ZFAND3: variants seen among roughly 807,000 people sequenced by gnomAD.
The protein encoded by ZFAND3 is AN1-type zinc finger protein 3.
ZFAND3 carries 10 observed loss-of-function variants against 29.6 expected under a neutral mutation model. The ratio of observed to expected loss-of-function variants is 0.34; its 90% CI spans 0.21 to 0.57. The LOEUF is 0.57. Among genes scored for constraint, ZFAND3 ranks in the 20% least tolerant of loss-of-function variants. The pLI, the probability that ZFAND3 is intolerant of heterozygous loss-of-function variation, is 0.86. For synonymous variants in ZFAND3, 128 were observed against 112.6 expected (o/e 1.14, Z -0.87); for missense variants, 230 against 304.5 (o/e 0.76, Z 1.82).
chr6:38,029,422 G>A (rs888590098), intron 2 of ZFAND3, among the ~76,000 whole-genome samples: 2 of 152,112 alleles, frequency 1.3e-5, no homozygotes, highest in Admixed American at 6.6e-5. Context: ...AGCAAGCAAA[G>A]CATTTTTTAA....
chr6:37,893,012 A>G (rs1014127886), intron 1 of ZFAND3, among the ~76,000 whole-genome samples: 1 of 152,110 alleles, frequency 6.6e-6, no homozygotes, highest in Non-Finnish European at 1.5e-5. Context: ...GAGGGATTCT[A>G]CCAAACATTT....
chr6:37,919,677 G>A (rs138369198), intron 1 of ZFAND3, among the ~76,000 whole-genome samples: 211 of 152,274 alleles, frequency 1.4e-3, no homozygotes, highest in African/African-American at 4.8e-3. Flanking sequence ...CACATTTCAA[G>A]GCTGTTACTG....
intron 1 of ZFAND3, among the ~76,000 whole-genome samples, chr6:37,848,938 A>C (rs1764232385): frequency 1.3e-5 from 2 of 152,228 alleles, no homozygotes; most frequent in African/African-American, 4.8e-5. Flanking sequence ...GAACTTTTTA[A>C]ACTTTGATCT....
chr6:37,915,916 T>G (rs919216623), intron 1 of ZFAND3, among the ~76,000 whole-genome samples: 5 of 152,126 alleles, frequency 3.3e-5, no homozygotes, highest in African/African-American at 9.7e-5. Flanking sequence ...ATTTCAGGCA[T>G]GTGCCACCAC....
intron 2 of ZFAND3, 24 bp downstream of exon 2, chr6:37,930,023 T>A (rs1258312945): frequency 1.3e-5 from 21 of 1,559,976 alleles, no homozygotes; most frequent in South Asian, 7.4e-5. Flanking sequence ...AAGGGTTTTT[T>A]AATTTACTTT....
chr6:37,896,554 C>CTTTCTTTG (rs1554153845), intron 1 of ZFAND3, among the ~76,000 whole-genome samples: 1 of 137,698 alleles, frequency 7.3e-6, no homozygotes, highest in Admixed American at 7.4e-5. Context: ...TTCTTTCTTT[C>CTTTCTTTG]TTTCTTTCTT....
chr6:38,116,547 T>G, intron 4 of ZFAND3, 25 bp from the exon 5 acceptor site: 1 of 1,592,126 alleles, frequency 6.3e-7, no homozygotes, highest in Non-Finnish European at 8.6e-7. Context: ...CTAATCCTGA[T>G]CCCCAAATAT....
intron 2 of ZFAND3, among the ~76,000 whole-genome samples, chr6:38,000,348 G>C (rs964641484): frequency 1.3e-5 from 2 of 152,134 alleles, no homozygotes; most frequent in African/African-American, 4.8e-5. Flanking sequence ...AAATTTCATA[G>C]ATCCTGACTG....
intron 1 of ZFAND3, among the ~76,000 whole-genome samples, chr6:37,887,596 T>G (rs949124293): frequency 1.3e-5 from 2 of 152,180 alleles, no homozygotes; most frequent in Non-Finnish European, 2.9e-5. Context: ...AGTATGAAAT[T>G]GTATTTAAGT....
intron 2 of ZFAND3, among the ~76,000 whole-genome samples, chr6:37,961,746 T>G (rs1422406107): frequency 6.6e-6 from 1 of 152,232 alleles, no homozygotes; most frequent in Non-Finnish European, 1.5e-5. Context: ...TTGGATTTTG[T>G]CCAAGACCGT....
At chr6:37,937,055 CA>C (rs1761711281) in intron 2 of ZFAND3, among the ~76,000 whole-genome samples, 2 of 152,176 alleles carry the variant, frequency 1.3e-5, no homozygotes. Context: ...TTAGTGGTTG[CA>C]GTTACATACT....
chr6:38,027,656 TG>T (rs1763475872), intron 2 of ZFAND3, among the ~76,000 whole-genome samples: 5 of 152,182 alleles, frequency 3.3e-5, no homozygotes, highest in African/African-American at 1.2e-4. Flanking sequence ...GAAGAAAAAC[TG>T]TTCTTCATGG....
intron 5 of ZFAND3, among the ~76,000 whole-genome samples, chr6:38,131,621 A>G (rs928419657): frequency 3.3e-5 from 5 of 152,134 alleles, no homozygotes; most frequent in African/African-American, 2.4e-5. Context: ...AGAGATTTAT[A>G]CCTTTTGGGT....
chr6:37,822,783 C>T (rs1188044751), intron 1 of ZFAND3, among the ~76,000 whole-genome samples: 1 of 152,162 alleles, frequency 6.6e-6, no homozygotes. Context: ...GTGGGACTAA[C>T]ATGGGTGAAG....
intron 1 of ZFAND3, among the ~76,000 whole-genome samples, chr6:37,928,511 C>CATT (rs1253280452): frequency 6.6e-6 from 1 of 151,996 alleles, no homozygotes; most frequent in Non-Finnish European, 1.5e-5. Flanking sequence ...ACAGAAAAGT[C>CATT]ATTATTATTT....
Position 38,154,213 on chromosome 6 carries a change from C to G in ZFAND3, c.*1824C>G, listed in dbSNP as rs1030118044. ...AGTGAGGCAGCCCCCCATAGGCTTC[C>G]GCCAAGCTCTGGTCCCGAAGAGGCT... On this transcript the variant is annotated 3_prime_UTR_variant, in exon 6 of 6. Transcript: ENST00000287218. 1 of 985,456 alleles carries G rather than the reference C, an allele frequency of 1.0e-6. No homozygotes were observed. The highest frequency in any genetic ancestry group is 1.7e-5 in the African/African-American group (1 of 57,254). The allele number at this position is 985,456 out of a possible 1,614,324, so 61.0% of individuals were successfully genotyped here.
chr6:37,933,951 G>A (rs1360551519), intron 2 of ZFAND3, among the ~76,000 whole-genome samples: 1 of 144,588 alleles, frequency 6.9e-6, no homozygotes, highest in Non-Finnish European at 1.5e-5. Context: ...GCAGTGGCGC[G>A]ATCTCTGCTT....
chr6:37,927,671 A>G (rs1355945948), intron 1 of ZFAND3, among the ~76,000 whole-genome samples: 6 of 152,176 alleles, frequency 3.9e-5, no homozygotes, highest in South Asian at 2.1e-4. Context: ...TTGTTTTCCT[A>G]TATGCCTGCA....
intron 1 of ZFAND3, among the ~76,000 whole-genome samples, chr6:37,927,136 G>A (rs1581767840): frequency 6.6e-6 from 1 of 152,166 alleles, no homozygotes; most frequent in African/African-American, 2.4e-5. Context: ...TGTCATTTAG[G>A]TAATACATAG....
Sources: gnomAD v4.1 joint callset for allele counts (sites outside exome capture counted in the v4.1 genomes callset) on GRCh38, gnomAD v4.1.1 for gene constraint, MANE v1.5 for transcripts, NCBI Gene and HGNC (gene_info 2026-07-23, HGNC 2026-07-21) for gene names.